ITFG2: variants seen among roughly 807,000 people sequenced by gnomAD.
ITFG2 encodes the protein KICSTOR complex protein ITFG2.
Under a neutral mutation model 54.4 loss-of-function variants are expected in ITFG2, and 36 were observed. The observed-to-expected ratio is 0.66, with a 90% CI of 0.51 to 0.87. The LOEUF is 0.87. Among genes scored for constraint, ITFG2 ranks in the 40% least tolerant of loss-of-function variants. The pLI is 0.00. For synonymous variants in ITFG2, 211 were observed against 225.4 expected (o/e 0.94, Z 0.57); for missense variants, 524 against 576.7 (o/e 0.91, Z 0.94).
intron 1 of ITFG2, among the ~76,000 whole-genome samples, chr12:2,840,455 C>CAAAAAAAAAAA (rs34247255): frequency 8.4e-6 from 1 of 118,716 alleles, no homozygotes. Context: ...GACTCTGTCT[C>CAAAAAAAAAAA]AAAAAAAAAA....
At chr12:2,829,202 G>A (rs2097986949), downstream of ITFG2, among the ~76,000 whole-genome samples, 1 of 152,170 alleles carries the variant, frequency 6.6e-6, no homozygotes, top group African/African-American at 2.4e-5. Context: ...GAGGAAGGAT[G>A]AGAAGACTGG....
intron 3 of ITFG2, chr12:2,858,485 G>C: frequency 1.6e-6 from 1 of 639,736 alleles, no homozygotes. Context: ...AGTGGCTAGG[G>C]TGTGACTGCT....
chr12:2,828,246 T>C, downstream of ITFG2: 3 of 1,265,842 alleles, frequency 2.4e-6, no homozygotes, highest in Non-Finnish European at 3.4e-6. Flanking sequence ...AATATGCAAC[T>C]GTCGTCACTA....
chr12:2,849,641 G>A, intron 2 of ITFG2: 20 of 1,205,572 alleles, frequency 1.7e-5, no homozygotes, highest in South Asian at 4.4e-5. Context: ...TAGCCATCAG[G>A]CGGCAGGGAA....
Position 2,818,091 on chromosome 12 carries a change from C to T in ITFG2, c.235-15C>T, listed in dbSNP as rs757735011. On this transcript the variant is annotated splice_polypyrimidine_tract_variant and intron_variant, in intron 3 of 11. Transcript: ENST00000228799. ...CCTCCCCAGTCCATCTCTACTATACCTCTGTTTGTCCTAGAACCTGTTGGT... is the reference window on the plus strand; with the variant it reads ...CCTCCCCAGTCCATCTCTACTATACTTCTGTTTGTCCTAGAACCTGTTGGT... 1.4e-5 allele frequency: 23 copies of T among 1,613,264 alleles called. No homozygotes were observed. In the South Asian group the frequency reaches 2.2e-4, roughly 15 times the overall value.
At chr12:2,817,351 G>A (rs770373620) in intron 2 of ITFG2, 33 bp downstream of exon 2, 2 of 1,505,520 alleles carry the variant, frequency 1.3e-6, no homozygotes, top group East Asian at 2.3e-5. Flanking sequence ...CTGGAGGGGG[G>A]AAGGGATCCC....
intron 2 of ITFG2, among the ~76,000 whole-genome samples, chr12:2,841,664 C>T (rs557143561): frequency 2.1e-4 from 32 of 152,222 alleles, no homozygotes; most frequent in South Asian, 8.3e-4. Flanking sequence ...AATACAAAAA[C>T]CTGTGTGAAA....
upstream of ITFG2, among the ~76,000 whole-genome samples, chr12:2,835,287 G>A (rs2098024203): frequency 6.6e-6 from 1 of 152,150 alleles, no homozygotes; most frequent in African/African-American, 2.4e-5. Context: ...CACTGTGTGG[G>A]GGCAGCAGCC....
At chr12:2,815,204 T>C (rs536423508) in intron 1 of ITFG2, among the ~76,000 whole-genome samples, 2 of 152,324 alleles carry the variant, frequency 1.3e-5, no homozygotes, top group Non-Finnish European at 2.9e-5. Flanking sequence ...TGTTCACCTG[T>C]TTATCTCTGT....
chr12:2,833,620 G>C (rs1210244048), upstream of ITFG2, among the ~76,000 whole-genome samples: 1 of 152,158 alleles, frequency 6.6e-6, no homozygotes, highest in Non-Finnish European at 1.5e-5. Context: ...CAGACTAGGA[G>C]AGGGGACAGG....
At chr12:2,846,910 AAC>A (rs1237145347) in intron 2 of ITFG2, among the ~76,000 whole-genome samples, 5 of 152,172 alleles carry the variant, frequency 3.3e-5, no homozygotes, top group African/African-American at 1.2e-4. Context: ...AAATTCACAT[AAC>A]ACAAAATTTA....
exon 4 of ITFG2, chr12:2,859,761 G>T: frequency 1.1e-6 from 1 of 892,896 alleles, no homozygotes; most frequent in Non-Finnish European, 1.7e-6. Flanking sequence ...TCGTTTTGAA[G>T]TCTTAAAATC....
chr12:2,821,548 G>C lies in ITFG2; in HGVS notation c.799G>C (p.Gly267Arg). The change falls in exon 8 of 12, where the codon GGC becomes CGC. Residue 267 changes from glycine (G) to arginine (R), a missense_variant. Gly to Arg is a moderately radical substitution (Grantham distance 125). Transcript: ENST00000228799. Reference protein sequence around the residue: ...HLIGNIKQGHGTESSGSGLFA... With the variant: ...HLIGNIKQGHRTESSGSGLFA... ...TCTTCCTCTGGTCCTCACAGGCCACGGCACTGAGAGTAGTGGCTCTGGCCT... is the reference window on the plus strand; with the variant it reads ...TCTTCCTCTGGTCCTCACAGGCCACCGCACTGAGAGTAGTGGCTCTGGCCT... The C allele has an allele frequency of 6.2e-7, 1 of 1,614,110 alleles. No individual in the cohort carries two copies. The highest frequency in any genetic ancestry group is 8.5e-7 in the Non-Finnish European group (1 of 1,180,006).
At chr12:2,827,326 G>A (rs1372413408), downstream of ITFG2, 1 of 1,600,444 alleles carries the variant, frequency 6.2e-7, no homozygotes, top group African/African-American at 1.3e-5. The surrounding 1 kb of genome is among the most constrained non-coding windows in gnomAD (Gnocchi z 4.0). Context: ...AGTCATGCCA[G>A]GTCACCTCAG....
chr12:2,855,310 C>G, intron 2 of ITFG2: 1 of 1,531,696 alleles, frequency 6.5e-7, no homozygotes, highest in South Asian at 1.2e-5. Flanking sequence ...CATATCTGTG[C>G]AGGGCGGCAG....
At chr12:2,835,759 G>A (rs1020283451), upstream of ITFG2, among the ~76,000 whole-genome samples, 1 of 152,204 alleles carries the variant, frequency 6.6e-6, no homozygotes, top group Admixed American at 6.5e-5. Flanking sequence ...GAAGCTCCCT[G>A]TGCACTTCCA....
At chr12:2,859,045 G>C in intron 3 of ITFG2, 1 of 1,609,178 alleles carries the variant, frequency 6.2e-7, no homozygotes, top group African/African-American at 1.3e-5. Context: ...ACTTTGGCTG[G>C]GGGCGTGAGC....
At chr12:2,834,569 G>C (rs986961045), upstream of ITFG2, 3 of 1,512,190 alleles carry the variant, frequency 2.0e-6, no homozygotes, top group African/African-American at 4.2e-5. Flanking sequence ...TTCTGGTCCT[G>C]CCTCCTGCTC....
At chr12:2,828,344 A>G (rs1482490845), downstream of ITFG2, 3 of 1,614,026 alleles carry the variant, frequency 1.9e-6, no homozygotes, top group Non-Finnish European at 1.7e-6. Context: ...CAGGCGGCTG[A>G]GACATCCAGC....
Sources: allele counts gnomAD v4.1 joint callset (sites outside exome capture counted in the v4.1 genomes callset), GRCh38; gene constraint gnomAD v4.1.1; non-coding constraint Gnocchi (gnomAD v3.1); transcripts MANE v1.5; gene names NCBI Gene and HGNC (gene_info 2026-07-23, HGNC 2026-07-21).